Variants in KALRN observed in about 807,000 individuals in gnomAD.
The protein encoded by KALRN is kalirin.
A neutral mutation model predicts 353.7 loss-of-function variants in KALRN; 70 were observed. That is an observed-to-expected ratio of 0.20 (90% CI 0.16 to 0.24). The LOEUF (loss-of-function observed/expected upper bound fraction) is 0.24, where lower values mean the gene tolerates loss of function less well. Among genes scored for constraint, KALRN ranks in the 10% least tolerant of loss-of-function variants. The pLI, the probability that KALRN is intolerant of heterozygous loss-of-function variation, is 1.00. For synonymous variants in KALRN, 1,391 were observed against 1,434.8 expected, an observed-to-expected ratio of 0.97 and a Z score of 0.69; for missense variants, 2,791 against 3,756.7, an observed-to-expected ratio of 0.74 and a Z score of 6.72.
chr3:124,647,200 C>T (rs923494726), intron 37 of KALRN, among the ~76,000 whole-genome samples: 1 of 152,138 alleles, frequency 6.6e-6, no homozygotes, highest in African/African-American at 2.4e-5. Context: ...AGCCACCATT[C>T]CCGGCCAAGT....
rs754769507 is a variant in KALRN, at chr3:124,474,708, T to C, written c.4077T>C (p.Asp1359=). The C allele has an allele frequency of 5.0e-6, 8 of 1,613,978 alleles. No homozygotes were observed. In the South Asian group the frequency reaches 8.8e-5, roughly 18 times the overall value. The stretch of plus-strand genomic sequence containing the variant: ...AGAAGTACGAGCAACTGCCTGAGGA[T>C]GTGGGACACTGCTTTGTTACCTGGG... ...ELEKYEQLPE[D]VGHCFVTWAD... Residue 1359 remains aspartate (D), a synonymous_variant, in exon 26 of 60, where the codon GAT becomes GAC. Coordinates refer to ENST00000682506, the MANE Select transcript of KALRN (RefSeq NM_001388419.1).
chr3:124,175,487 G>C (rs944235250), intron 1 of KALRN, among the ~76,000 whole-genome samples: 3 of 151,598 alleles, frequency 2.0e-5, no homozygotes, highest in African/African-American at 7.3e-5. Flanking sequence ...GTCCAGGCCT[G>C]ATCTCCAGGA....
At chr3:124,413,698 AGAT>A in intron 14 of KALRN, 33 bp downstream of exon 14, 1 of 1,574,840 alleles carries the variant, frequency 6.3e-7, no homozygotes, top group Non-Finnish European at 8.7e-7. Flanking sequence ...CTGGCAGAGG[AGAT>A]GATGAAAACA....
chr3:124,320,968 C>CT (rs1346726186), intron 6 of KALRN, among the ~76,000 whole-genome samples: 16 of 152,082 alleles, frequency 1.1e-4, no homozygotes, highest in Admixed American at 2.0e-4. Flanking sequence ...TGAGACTTCG[C>CT]TTTTTTTGCC....
intron 3 of KALRN, among the ~76,000 whole-genome samples, chr3:124,236,963 C>T (rs547341483): frequency 2.0e-5 from 3 of 152,316 alleles, no homozygotes; most frequent in Admixed American, 1.3e-4. Context: ...GCTGCCCTGC[C>T]TCCTGAGGGA....
intron 56 of KALRN, 58 bp downstream of exon 56, chr3:124,700,091 T>G (rs1307652266): frequency 1.3e-6 from 2 of 1,550,552 alleles, no homozygotes; most frequent in African/African-American, 2.7e-5. Context: ...CCTGGCTGCC[T>G]GTCACAGACT....
intron 1 of KALRN, among the ~76,000 whole-genome samples, chr3:124,145,133 C>T (rs545472735): frequency 2.0e-4 from 30 of 152,258 alleles, no homozygotes; most frequent in African/African-American, 7.2e-4. Flanking sequence ...AGATGCCCAG[C>T]AGCTGGAGGT....
intron 33 of KALRN, among the ~76,000 whole-genome samples, chr3:124,507,100 T>C (rs558445107): frequency 3.3e-5 from 5 of 152,310 alleles, no homozygotes; most frequent in African/African-American, 1.2e-4. Flanking sequence ...AGAAAAATTC[T>C]TCTTGAAAAA....
chr3:124,466,580 G>A (rs533010214), intron 25 of KALRN, among the ~76,000 whole-genome samples: 3 of 151,974 alleles, frequency 2.0e-5, no homozygotes, highest in Non-Finnish European at 4.4e-5. Flanking sequence ...TTCCTTTTTG[G>A]TTTTTTGGAG....
chr3:124,285,414 T>C (rs565049715), intron 5 of KALRN, among the ~76,000 whole-genome samples: 13 of 152,368 alleles, frequency 8.5e-5, no homozygotes, highest in African/African-American at 3.1e-4. Context: ...TACACTATTA[T>C]GGTGTGATAG....
Position 124,726,279 on chromosome 3 carries a change from T to C in KALRN, c.*6809T>C, listed in dbSNP as rs1309163070. The C allele has an allele frequency of 2.0e-5, 3 of 152,198 alleles. No homozygotes were observed. The highest frequency in any genetic ancestry group is 4.4e-5 in the Non-Finnish European group (3 of 68,034). The allele number at this position is 152,198 out of a possible 1,614,324, so 9.4% of individuals were successfully genotyped here. A position where few individuals can be genotyped will look rare whatever the true frequency, so the allele number is the denominator to read the frequency against. On this transcript the variant is annotated 3_prime_UTR_variant, in exon 60 of 60. Transcript: ENST00000682506. ...TATGGATGAAACTTCAAAATGTACATCTCACATGTTATGCATTCCTATAAA... is the reference window on the plus strand; with the variant it reads ...TATGGATGAAACTTCAAAATGTACACCTCACATGTTATGCATTCCTATAAA...
At chr3:124,170,337 G>A (rs2071558642) in intron 1 of KALRN, among the ~76,000 whole-genome samples, 2 of 152,156 alleles carry the variant, frequency 1.3e-5, no homozygotes, top group South Asian at 2.1e-4. Flanking sequence ...GTCACTTTAT[G>A]TCATCTTAGT....
At chr3:124,291,437 A>T (rs2076413470) in intron 5 of KALRN, among the ~76,000 whole-genome samples, 1 of 152,054 alleles carries the variant, frequency 6.6e-6, no homozygotes, top group Admixed American at 6.6e-5. Context: ...ACCATCTTTT[A>T]TCTGTTTTCA....
intron 6 of KALRN, among the ~76,000 whole-genome samples, chr3:124,312,009 AAG>A: frequency 6.6e-6 from 1 of 152,354 alleles, no homozygotes; most frequent in East Asian, 1.9e-4. Flanking sequence ...GAAGGGGTAT[AAG>A]AGAGTTATAT....
chr3:124,599,317 G>A (rs572303593), intron 34 of KALRN, among the ~76,000 whole-genome samples: 100 of 152,248 alleles, frequency 6.6e-4, no homozygotes, highest in African/African-American at 1.9e-3. Context: ...CTCTCCTGCC[G>A]TTCTTTGGTC....
intron 1 of KALRN, 125 bp from the exon 2 acceptor site, chr3:124,227,865 C>A: frequency 1.3e-6 from 1 of 778,312 alleles, no homozygotes; most frequent in Non-Finnish European, 2.3e-6. Flanking sequence ...TCGGGCTGGG[C>A]TGTAGGACCT....
At chr3:124,654,129 C>T (rs1306738054) in intron 38 of KALRN, among the ~76,000 whole-genome samples, 1 of 152,240 alleles carries the variant, frequency 6.6e-6, no homozygotes, top group Non-Finnish European at 1.5e-5. Flanking sequence ...TCTAACTTTC[C>T]TGTGGGTTTT....
rs556926172 is a variant in KALRN at position 124,206,170 on chromosome 3, C to T, written c.74-21820C>T. 6.0e-4 allele frequency among the ~76,000 whole-genome samples: 92 copies of T among 152,104 alleles called. 4 individuals are homozygous for T. The highest frequency in any genetic ancestry group is 1.9e-4 in the Non-Finnish European group (13 of 68,022). Reference sequence around the variant, plus strand: ...TCACGTAATAGAAGATTATTTCTTGCTCTTGTCATAGTCTCCTACAGATGT... The same window carrying T: ...TCACGTAATAGAAGATTATTTCTTGTTCTTGTCATAGTCTCCTACAGATGT... On this transcript the variant is annotated intron_variant, in intron 1 of 59. Transcript: ENST00000682506.
intron 34 of KALRN, among the ~76,000 whole-genome samples, chr3:124,611,161 A>G (rs967215660): frequency 6.6e-6 from 1 of 152,222 alleles, no homozygotes; most frequent in African/African-American, 2.4e-5. Flanking sequence ...GGCTGTGCTG[A>G]TAAGGCAGCC....
Sources: gnomAD v4.1 joint callset for allele counts (sites outside exome capture counted in the v4.1 genomes callset) on GRCh38, gnomAD v4.1.1 for gene constraint, MANE v1.5 for transcripts, NCBI Gene and HGNC (gene_info 2026-07-23, HGNC 2026-07-21) for gene names.